Variants in KCTD8 observed in about 807,000 individuals in gnomAD.
KCTD8 encodes the protein BTB/POZ domain-containing protein KCTD8.
A neutral mutation model predicts 31.5 loss-of-function variants in KCTD8; 27 were observed. That is an observed-to-expected ratio of 0.86 (90% CI 0.63 to 1.18). KCTD8 has a LOEUF of 1.18. Among genes scored for constraint, KCTD8 ranks in the 50% most tolerant of loss-of-function variants. KCTD8 has a pLI of 0.00. For synonymous variants in KCTD8, 290 were observed against 280.0 expected, an observed-to-expected ratio of 1.04 and a Z score of -0.36; for missense variants, 658 against 647.7, an observed-to-expected ratio of 1.02 and a Z score of -0.17.
In KCTD8 at chr4:44,436,531, T is replaced by A. The variant is rs1360229374; in HGVS notation, c.961+11032A>T. Among the ~76,000 whole-genome samples, 15 of 152,080 alleles carry A rather than the reference T, an allele frequency of 9.9e-5. No homozygotes were observed. The East Asian group carries it at 2.9e-3, about 29-fold the overall frequency. On this transcript the variant is annotated intron_variant, in intron 1 of 1. Transcript: ENST00000360029. ...TAGAAATATGATTATGAATGATGTA[T>A]CAGATATTGACAAGAAATATTATTT...
intron 1 of KCTD8, among the ~76,000 whole-genome samples, chr4:44,274,068 A>C (rs1402913770): frequency 2.0e-5 from 3 of 151,966 alleles, no homozygotes; most frequent in African/African-American, 7.2e-5. Context: ...TGTATTCTTT[A>C]ACTCTACAGA....
chr4:44,409,372 A>T (rs1577659841), intron 1 of KCTD8, among the ~76,000 whole-genome samples: 1 of 152,174 alleles, frequency 6.6e-6, no homozygotes, highest in East Asian at 1.9e-4. Context: ...CAAGACAGAC[A>T]TTTTACACTG....
intron 1 of KCTD8, among the ~76,000 whole-genome samples, chr4:44,205,996 C>T (rs1187778149): frequency 6.6e-6 from 1 of 152,104 alleles, no homozygotes; most frequent in Non-Finnish European, 1.5e-5. Context: ...TGGCAAAAGG[C>T]TGAAAAGAAA....
intron 1 of KCTD8, among the ~76,000 whole-genome samples, chr4:44,273,127 C>A (rs1041926007): frequency 6.6e-6 from 1 of 151,802 alleles, no homozygotes; most frequent in Non-Finnish European, 1.5e-5. Flanking sequence ...AACTTTTTAG[C>A]AGCTTATTCC....
chr4:44,279,869 T>C (rs914780533), intron 1 of KCTD8, among the ~76,000 whole-genome samples: 1 of 152,220 alleles, frequency 6.6e-6, no homozygotes, highest in African/African-American at 2.4e-5. Context: ...AAAGATTAGA[T>C]AGATTCACTA....
At chr4:44,345,084 A>T (rs1425719155) in intron 1 of KCTD8, among the ~76,000 whole-genome samples, 1 of 152,152 alleles carries the variant, frequency 6.6e-6, no homozygotes, top group Non-Finnish European at 1.5e-5. Flanking sequence ...CTCAAGCCTG[A>T]ATAGACAGTT....
chr4:44,341,949 T>C (rs933838240), intron 1 of KCTD8, among the ~76,000 whole-genome samples: 2 of 152,194 alleles, frequency 1.3e-5, no homozygotes, highest in Admixed American at 6.5e-5. Flanking sequence ...ATCTCTTAAA[T>C]AGTAAGGCTT....
At chr4:44,261,877 T>G (rs1412715653) in intron 1 of KCTD8, among the ~76,000 whole-genome samples, 2 of 152,048 alleles carry the variant, frequency 1.3e-5, no homozygotes, top group Non-Finnish European at 2.9e-5. Flanking sequence ...CATATGCATA[T>G]CAAATAATCA....
intron 1 of KCTD8, among the ~76,000 whole-genome samples, chr4:44,408,619 G>A (rs1222004050): frequency 6.6e-6 from 1 of 152,070 alleles, no homozygotes; most frequent in East Asian, 1.9e-4. Flanking sequence ...TAGTATTAGG[G>A]TGTTTGTTTG....
chr4:44,327,729 T>C (rs980333535), intron 1 of KCTD8, among the ~76,000 whole-genome samples: 1 of 151,836 alleles, frequency 6.6e-6, no homozygotes, highest in East Asian at 1.9e-4. Flanking sequence ...ACCATCTAGC[T>C]GTATGATCTT....
intron 1 of KCTD8, among the ~76,000 whole-genome samples, chr4:44,390,525 A>G (rs1445275773): frequency 6.6e-6 from 1 of 151,926 alleles, no homozygotes; most frequent in African/African-American, 2.4e-5. Flanking sequence ...TACCAGTACC[A>G]GGCTGTTTTG....
chr4:44,207,915 C>G (rs1714365116), intron 1 of KCTD8, among the ~76,000 whole-genome samples: 1 of 152,140 alleles, frequency 6.6e-6, no homozygotes, highest in Non-Finnish European at 1.5e-5. Flanking sequence ...TGCTGAGTTG[C>G]TAGCAATATA....
chr4:44,230,990 C>T (rs548280345), intron 1 of KCTD8, among the ~76,000 whole-genome samples: 86 of 152,248 alleles, frequency 5.6e-4, no homozygotes, highest in African/African-American at 1.9e-3. Context: ...AAATCGATTT[C>T]GCTGGCAAAT....
intron 1 of KCTD8, among the ~76,000 whole-genome samples, chr4:44,332,630 C>T (rs1024038391): frequency 3.3e-5 from 5 of 151,748 alleles, no homozygotes; most frequent in African/African-American, 1.2e-4. Flanking sequence ...TTGTTTTTTA[C>T]CAGTAATACA....
chr4:44,331,210 T>TA (rs1343483628), intron 1 of KCTD8, among the ~76,000 whole-genome samples: 10 of 151,868 alleles, frequency 6.6e-5, no homozygotes, highest in Non-Finnish European at 1.3e-4. Flanking sequence ...AGCTCTTTGA[T>TA]AAAAAGAATA....
intron 1 of KCTD8, among the ~76,000 whole-genome samples, chr4:44,306,366 A>C (rs1480382431): frequency 6.6e-6 from 1 of 152,006 alleles, no homozygotes; most frequent in Non-Finnish European, 1.5e-5. Flanking sequence ...TAAATGACTT[A>C]ACAAAGTTCA....
chr4:44,276,158 T>C (rs1427469940), intron 1 of KCTD8, among the ~76,000 whole-genome samples: 1 of 151,940 alleles, frequency 6.6e-6, no homozygotes, highest in African/African-American at 2.4e-5. Context: ...GAAAACCATA[T>C]AAAAGTTGGT....
chr4:44,411,695 C>CTCCAATCAATATGG (rs1296451436), intron 1 of KCTD8, among the ~76,000 whole-genome samples: 6 of 151,658 alleles, frequency 4.0e-5, no homozygotes, highest in African/African-American at 1.2e-4. Context: ...TAGGGTGGAC[C>CTCCAATCAATATGG]CTTATTCCAA....
chr4:44,199,885 AC>A (rs1226488449), intron 1 of KCTD8, among the ~76,000 whole-genome samples: 4 of 151,996 alleles, frequency 2.6e-5, no homozygotes, highest in African/African-American at 9.7e-5. Flanking sequence ...AAAGGAACAG[AC>A]AAGACTGATA....
Sources: gnomAD v4.1 joint callset for allele counts (sites outside exome capture counted in the v4.1 genomes callset) on GRCh38, gnomAD v4.1.1 for gene constraint, MANE v1.5 for transcripts, NCBI Gene and HGNC (gene_info 2026-07-23, HGNC 2026-07-21) for gene names.